Variants in XPO6 observed in about 807,000 individuals in gnomAD.
XPO6 encodes exportin-6.
XPO6 carries 3 observed loss-of-function variants against 130.0 expected under a neutral mutation model. The observed-to-expected ratio is 0.02, with a 90% CI of 0.01 to 0.06. The LOEUF (loss-of-function observed/expected upper bound fraction) is 0.06, where lower values mean the gene tolerates loss of function less well. Ranked by LOEUF, XPO6 falls within the 10% of genes least tolerant of loss-of-function variation. XPO6 has a pLI of 1.00. For synonymous variants in XPO6, 524 were observed against 548.9 expected (o/e 0.95, Z 0.63); for missense variants, 970 against 1,393.0 (o/e 0.70, Z 4.83).
Position 28,124,182 on chromosome 16 carries a change from T to A in XPO6, c.1766+1507A>T, listed in dbSNP as rs528585591. On this transcript the variant is annotated intron_variant, in intron 13 of 23. Transcript: ENST00000304658. ...AAGCGATTCTCCTGTCTCAGCCTCC[T>A]GAGTATCTGGGATTACAGGCGCATG... Among the ~76,000 whole-genome samples the A allele has an allele frequency of 3.9e-5, 6 of 151,934 alleles. No homozygotes were observed. The East Asian group carries it at 1.2e-3, about 29-fold the overall frequency.
intron 14 of XPO6, among the ~76,000 whole-genome samples, chr16:28,119,325 C>T (rs2087165633): frequency 6.6e-6 from 1 of 151,936 alleles, no homozygotes; most frequent in Admixed American, 6.6e-5. Flanking sequence ...AGCCTAGACA[C>T]CATTTTAAAA....
At chr16:28,114,782 G>C (rs2087012826) in intron 15 of XPO6, among the ~76,000 whole-genome samples, 1 of 152,182 alleles carries the variant, frequency 6.6e-6, no homozygotes, top group Non-Finnish European at 1.5e-5. Context: ...CCGTTTCATA[G>C]CATTTTGCCC....
intron 1 of XPO6, 57 bp from the exon 2 acceptor site, chr16:28,181,088 T>C (rs2043607654): frequency 7.3e-7 from 1 of 1,362,112 alleles, no homozygotes; most frequent in African/African-American, 1.4e-5. Context: ...CCACTGTTCC[T>C]CAGTTCCTTC....
At chr16:28,186,371 A>ATTTTTTTTTT (rs1237138991) in intron 1 of XPO6, among the ~76,000 whole-genome samples, 2 of 10,120 alleles carry the variant, frequency 2.0e-4, no homozygotes, top group African/African-American at 8.2e-4. Flanking sequence ...TGCCCCAGTT[A>ATTTTTTTTTT]TTCTTTTTTT....
chr16:28,172,198 T>A (rs1053251130), intron 4 of XPO6, among the ~76,000 whole-genome samples: 9 of 152,182 alleles, frequency 5.9e-5, no homozygotes, highest in Non-Finnish European at 1.3e-4. Context: ...AAATGTATAA[T>A]TTTTCCTCTC....
rs373093433 is a variant in XPO6, at chr16:28,132,046, A to T, written c.1606+288T>A. Among the ~76,000 whole-genome samples the T allele has an allele frequency of 2.0e-5, 3 of 152,338 alleles. No homozygotes were observed. In the East Asian group the frequency reaches 5.8e-4, roughly 29 times the overall value. Reference sequence around the variant, plus strand: ...GTACACCTGCTGGTTGAAAGGACATAAGGAAACTAATTAGAGGCTTTTTAG... The same window carrying T: ...GTACACCTGCTGGTTGAAAGGACATTAGGAAACTAATTAGAGGCTTTTTAG... On this transcript the variant is annotated intron_variant, in intron 12 of 23. Transcript: ENST00000304658. This position sits in a 1 kb window ranked among gnomAD's most constrained non-coding sequence, Gnocchi z 4.0.
intron 1 of XPO6, among the ~76,000 whole-genome samples, chr16:28,210,848 A>C (rs1244137466): frequency 6.6e-6 from 1 of 152,186 alleles, no homozygotes; most frequent in African/African-American, 2.4e-5. Flanking sequence ...GCTAGATGAG[A>C]TGTTTCTCCT....
At chr16:28,104,818 A>G in intron 20 of XPO6, 111 bp from the exon 21 acceptor site, 1 of 1,233,246 alleles carries the variant, frequency 8.1e-7, no homozygotes, top group Non-Finnish European at 1.1e-6. Flanking sequence ...CCGAGTGTCA[A>G]CACTCCATCC....
chr16:28,148,998 C>T (rs2043033955), intron 8 of XPO6, among the ~76,000 whole-genome samples: 1 of 149,780 alleles, frequency 6.7e-6, no homozygotes, highest in Admixed American at 6.7e-5. Flanking sequence ...GTCAAGATCG[C>T]ACCATCGCAC....
intron 15 of XPO6, among the ~76,000 whole-genome samples, chr16:28,116,811 A>G (rs377114627): frequency 3.3e-5 from 5 of 152,242 alleles, no homozygotes; most frequent in African/African-American, 1.2e-4. Context: ...TATAGTAACA[A>G]AAAAGTCTGA....
intron 1 of XPO6, among the ~76,000 whole-genome samples, chr16:28,182,362 T>G (rs1280337513): frequency 6.6e-6 from 1 of 152,156 alleles, no homozygotes; most frequent in Non-Finnish European, 1.5e-5. Flanking sequence ...TGAATCAGAC[T>G]TGATTCATAA....
intron 21 of XPO6, among the ~76,000 whole-genome samples, chr16:28,103,407 T>C (rs1420144526): frequency 6.6e-6 from 1 of 152,200 alleles, no homozygotes; most frequent in Non-Finnish European, 1.5e-5. Context: ...ACTCAAAGTG[T>C]TTCCAGCTTT....
intron 2 of XPO6, among the ~76,000 whole-genome samples, chr16:28,179,737 T>C (rs1001471172): frequency 6.6e-5 from 10 of 152,238 alleles, no homozygotes; most frequent in Non-Finnish European, 7.4e-5. Flanking sequence ...CCCAAGACCA[T>C]AGAAAAGAAG....
chr16:28,101,213 A>G lies in XPO6; in HGVS notation c.3276+245T>C. On this transcript the variant is annotated intron_variant, in intron 23 of 23. Transcript: ENST00000304658. This position sits in a 1 kb window ranked among gnomAD's most constrained non-coding sequence, Gnocchi z 5.4. ...AAATGGAGGGGCTGCAGAGCCAGGA[A>G]CTCGGGACCTCCATGGCTGAGACTA... 2 of 574,492 alleles carry G rather than the reference A, an allele frequency of 3.5e-6. No individual in the cohort carries two copies. The highest frequency in any genetic ancestry group is 6.3e-6 in the Non-Finnish European group (2 of 318,082). The allele number at this position is 574,492 out of a possible 1,614,324, so 35.6% of individuals were successfully genotyped here.
chr16:28,190,659 T>C (rs1320727158), intron 1 of XPO6, among the ~76,000 whole-genome samples: 3 of 152,160 alleles, frequency 2.0e-5, no homozygotes. Context: ...TTGACAAAAC[T>C]GGAATACAGG....
chr16:28,199,596 T>C (rs556033560), intron 1 of XPO6, among the ~76,000 whole-genome samples: 36 of 148,870 alleles, frequency 2.4e-4, no homozygotes, highest in African/African-American at 8.9e-4. Context: ...TGAGACAGTC[T>C]TGCTCTGTCA....
chr16:28,156,605 AAT>A lies in XPO6; in HGVS notation c.644-80_644-79del, dbSNP rs552912774. 2.2e-3 allele frequency: 1,912 copies of A among 865,114 alleles called. 10 individuals carry two copies. Among genetic ancestry groups the A allele is most frequent in the East Asian group, 0.015 (482 of 32,784 alleles). The allele number at this position is 865,114 out of a possible 1,614,324, so 53.6% of individuals were successfully genotyped here. A position where few individuals can be genotyped will look rare whatever the true frequency, so the allele number is the denominator to read the frequency against. ...ACTTTAAGTAATTCTCCTTCAAAAA[AAT>A]ATATATATATATGTATACATATATG... On this transcript the variant is annotated intron_variant, in intron 6 of 23. Transcript: ENST00000304658.
Position 28,146,200 on chromosome 16 carries a change from T to A in XPO6, c.1228A>T (p.Thr410Ser). The A allele has an allele frequency of 6.2e-7, 1 of 1,609,198 alleles. No individual in the cohort carries two copies. Among genetic ancestry groups the A allele is most frequent in the Non-Finnish European group, 8.5e-7 (1 of 1,175,772 alleles). The change falls in exon 9 of 24, where the codon ACT becomes TCT. Residue 410 changes from threonine to serine, a missense_variant. Physicochemically the swap from Thr to Ser is moderately conservative, Grantham distance 58. Transcript: ENST00000304658. ...LLFKYTFHQP[T>S]HEGYFSCLDI... The stretch of plus-strand genomic sequence containing the variant: ...AAACAAGAGAAGTAACCTTCATGAG[T>A]AGGCTATGGTACAAAAAAAATCCAG...
At chr16:28,182,261 C>T (rs2043629252) in intron 1 of XPO6, among the ~76,000 whole-genome samples, 1 of 152,148 alleles carries the variant, frequency 6.6e-6, no homozygotes. Flanking sequence ...ATACCAGCGG[C>T]CTCCGTCGGG....
Sources: gnomAD v4.1 joint callset for allele counts (sites outside exome capture counted in the v4.1 genomes callset) on GRCh38, gnomAD v4.1.1 for gene constraint, Gnocchi (gnomAD v3.1) non-coding constraint, MANE v1.5 for transcripts, NCBI Gene and HGNC (gene_info 2026-07-23, HGNC 2026-07-21) for gene names.